Variants in ACSS1 observed in about 807,000 individuals in gnomAD.
ACSS1 encodes acetyl-coenzyme A synthetase 2-like, mitochondrial.
ACSS1 carries 42 observed loss-of-function variants against 75.3 expected under a neutral mutation model. That is an observed-to-expected ratio of 0.56 (90% CI 0.44 to 0.72). The LOEUF (loss-of-function observed/expected upper bound fraction) is 0.72. Among genes scored for constraint, ACSS1 ranks in the 30% least tolerant of loss-of-function variants. The pLI, the probability that ACSS1 is intolerant of heterozygous loss-of-function variation, is 0.00. For synonymous variants in ACSS1, 380 were observed against 376.8 expected (o/e 1.01, Z -0.10); for missense variants, 782 against 935.7 (o/e 0.84, Z 2.14).
intron 1 of ACSS1, among the ~76,000 whole-genome samples, chr20:25,052,205 G>A (rs2089183773): frequency 6.6e-6 from 1 of 152,164 alleles, no homozygotes; most frequent in South Asian, 2.1e-4. Context: ...GAGGAAGGAA[G>A]TGGGGAAGAG....
chr20:25,044,903 G>T (rs1478281971), intron 2 of ACSS1, among the ~76,000 whole-genome samples: 2 of 152,216 alleles, frequency 1.3e-5, no homozygotes, highest in Non-Finnish European at 2.9e-5. Context: ...CACGTCCCAG[G>T]CTGAGCCCTT....
At chr20:25,041,525 C>A (rs773777204) in intron 2 of ACSS1, among the ~76,000 whole-genome samples, 3 of 152,204 alleles carry the variant, frequency 2.0e-5, no homozygotes, top group Admixed American at 6.5e-5. Context: ...TGCAGCTCAT[C>A]CCTGTTCAAA....
In ACSS1 at chr20:25,058,053, A is replaced by T; in HGVS notation, c.50T>A (p.Leu17Gln). The T allele has an allele frequency of 7.5e-7, 1 of 1,328,296 alleles. No individual in the cohort carries two copies. The highest frequency in any genetic ancestry group is 9.6e-7 in the Non-Finnish European group (1 of 1,046,174). 82.3% of individuals were successfully genotyped at this position (1,328,296 alleles called of 1,614,324 possible). ...CGCGGGCTGCCCCGAGAGCCCTCGC[A>T]GGCTGCCCAGCAGCCTCCCGACGCC... Reference protein sequence around the residue: ...GRGVGRLLGSLRGLSGQPARP... With the variant: ...GRGVGRLLGSQRGLSGQPARP... The change falls in exon 1 of 14, where the codon CTG becomes CAG. Residue 17 changes from leucine to glutamine, a missense_variant. Physicochemically the swap from Leu to Gln is moderately radical, Grantham distance 113. Transcript: ENST00000323482.
intron 2 of ACSS1, among the ~76,000 whole-genome samples, chr20:25,032,082 G>C (rs1456769859): frequency 1.3e-5 from 2 of 152,140 alleles, no homozygotes; most frequent in Non-Finnish European, 2.9e-5. Context: ...CCAAGCTAGG[G>C]GACCATGGAC....
chr20:25,049,550 G>A (rs1031896647), intron 1 of ACSS1, among the ~76,000 whole-genome samples: 2 of 152,194 alleles, frequency 1.3e-5, no homozygotes, highest in African/African-American at 4.8e-5. Flanking sequence ...ATGCAAAAGT[G>A]ACCAAACACA....
At chr20:25,022,595 C>T (rs1195140529) in intron 5 of ACSS1, among the ~76,000 whole-genome samples, 1 of 152,216 alleles carries the variant, frequency 6.6e-6, no homozygotes, top group Non-Finnish European at 1.5e-5. Flanking sequence ...TGGCATTTGC[C>T]TTATAATAAT....
intron 3 of ACSS1, among the ~76,000 whole-genome samples, chr20:25,029,551 A>G (rs1318543156): frequency 6.6e-6 from 1 of 152,254 alleles, no homozygotes; most frequent in Non-Finnish European, 1.5e-5. Context: ...AGGTGTTCCT[A>G]TACATGAACA....
chr20:25,037,790 C>A (rs897694121), intron 2 of ACSS1, among the ~76,000 whole-genome samples: 8 of 152,218 alleles, frequency 5.3e-5, no homozygotes, highest in Admixed American at 2.0e-4. Flanking sequence ...ATGGCCAGCT[C>A]GCATCTCATG....
intron 12 of ACSS1, chr20:25,010,916 G>A (rs928939609): frequency 4.6e-5 from 7 of 152,068 alleles, no homozygotes; most frequent in Non-Finnish European, 7.3e-5. Flanking sequence ...CTTTTTCAGA[G>A]CTGCTGCAAA....
chr20:25,057,644 G>C, intron 1 of ACSS1, 125 bp downstream of exon 1: 1 of 881,924 alleles, frequency 1.1e-6, no homozygotes. Flanking sequence ...ACGGAATACC[G>C]GAGGAGGGGC....
chr20:25,024,600 A>C (rs921133681), intron 3 of ACSS1, among the ~76,000 whole-genome samples: 2 of 152,194 alleles, frequency 1.3e-5, no homozygotes, highest in Non-Finnish European at 2.9e-5. Context: ...ATTGGGGTAC[A>C]AATCCTGCAA....
At chr20:25,011,749 G>C (rs1052887461) in intron 12 of ACSS1, 8 of 152,244 alleles carry the variant, frequency 5.3e-5, no homozygotes, top group Non-Finnish European at 1.2e-4. Context: ...AATTTAAAGA[G>C]AGCATTTAAG....
At chr20:25,046,920 G>C in intron 2 of ACSS1, 1 of 779,532 alleles carries the variant, frequency 1.3e-6, no homozygotes, top group Non-Finnish European at 2.4e-6. Context: ...CTGGCTGGTG[G>C]GGGAGACGGG....
At chr20:25,052,031 C>T (rs984107126) in intron 1 of ACSS1, among the ~76,000 whole-genome samples, 11 of 152,166 alleles carry the variant, frequency 7.2e-5, no homozygotes, top group Admixed American at 2.6e-4. Flanking sequence ...CACACAGGCA[C>T]CTGAAGAAAG....
intron 7 of ACSS1, 118 bp downstream of exon 7, chr20:25,019,892 C>G: frequency 1.4e-6 from 2 of 1,445,210 alleles, no homozygotes; most frequent in South Asian, 1.3e-5. Context: ...TCTGGCATTG[C>G]GTGAATTCAC....
intron 2 of ACSS1, among the ~76,000 whole-genome samples, chr20:25,039,502 C>T (rs7268641): frequency 1.8e-4 from 27 of 152,368 alleles, no homozygotes; most frequent in African/African-American, 6.3e-4. Flanking sequence ...AAAGTCCCCA[C>T]ACGCATGGGG....
intron 7 of ACSS1, among the ~76,000 whole-genome samples, chr20:25,018,173 T>G (rs751200647): frequency 2.6e-5 from 4 of 152,192 alleles, no homozygotes; most frequent in Admixed American, 6.5e-5. Context: ...GCCAAGAGGT[T>G]TCCACCCTCA....
At chr20:25,030,134 C>A (rs1262237594) in intron 3 of ACSS1, among the ~76,000 whole-genome samples, 1 of 152,198 alleles carries the variant, frequency 6.6e-6, no homozygotes, top group Non-Finnish European at 1.5e-5. Context: ...TCAATGGCAC[C>A]TAGAACCTGG....
chr20:25,037,355 T>G (rs1041064416), intron 2 of ACSS1, among the ~76,000 whole-genome samples: 3 of 152,160 alleles, frequency 2.0e-5, no homozygotes, highest in Admixed American at 6.5e-5. Context: ...GCTAGGCTGC[T>G]GTCACCTTGC....
Sources: gnomAD v4.1 joint callset for allele counts (sites outside exome capture counted in the v4.1 genomes callset) on GRCh38, gnomAD v4.1.1 for gene constraint, MANE v1.5 for transcripts, NCBI Gene and HGNC (gene_info 2026-07-23, HGNC 2026-07-21) for gene names.